The following FAM110B variants were observed in gnomAD, a reference collection of about 807,000 sequenced individuals.
FAM110B encodes family with sequence similarity 110 member B.
In FAM110B, 6 loss-of-function variants were observed where a neutral mutation model predicts 20.4. That is an observed-to-expected ratio of 0.29 (90% confidence interval 0.16 to 0.58). The LOEUF (loss-of-function observed/expected upper bound fraction) is 0.58. Among genes scored for constraint, FAM110B ranks in the 20% least tolerant of loss-of-function variants. The pLI is 0.90. For synonymous variants in FAM110B, 226 were observed against 214.1 expected, an observed-to-expected ratio of 1.06 and a Z score of -0.49; for missense variants, 434 against 498.2, an observed-to-expected ratio of 0.87 and a Z score of 1.23.
intron 2 of FAM110B, among the ~76,000 whole-genome samples, chr8:58,072,488 T>C (rs1439661298): frequency 1.3e-5 from 2 of 152,216 alleles, no homozygotes; most frequent in Non-Finnish European, 2.9e-5. Flanking sequence ...CAAGTGTTAT[T>C]TATGTTTTTG....
In FAM110B at chr8:58,085,576, T is replaced by C. The variant is rs113642703; in HGVS notation, c.-325+9953T>C. 9.2e-3 allele frequency among the ~76,000 whole-genome samples: 1,403 copies of C among 152,348 alleles called. 18 individuals carry two copies. Among genetic ancestry groups the C allele is most frequent in the African/African-American group, 0.032 (1,317 of 41,584 alleles). On this transcript the variant is annotated intron_variant, in intron 3 of 3. Transcript: ENST00000519262. The stretch of plus-strand genomic sequence containing the variant: ...ATTTAAGATTTTGACCATTGGCCTA[T>C]GAGCCAGAGAGATGTTTGTATTGAA...
rs1035855822 is a variant in FAM110B, at chr8:58,147,933, T to A, written c.*590T>A. 9.5e-5 allele frequency: 16 copies of A among 169,196 alleles called. No homozygotes were observed. The highest frequency in any genetic ancestry group is 3.9e-4 in the African/African-American group (16 of 41,442). The allele number at this position is 169,196 out of a possible 1,614,324, so 10.5% of individuals were successfully genotyped here. On this transcript the variant is annotated 3_prime_UTR_variant, in exon 4 of 4. Transcript: ENST00000519262. ...GTCATTGGGGTAACAATGCTACGTTTTGTGTCCGATTCAGTGTGTAAACGT... is the reference window on the plus strand; with the variant it reads ...GTCATTGGGGTAACAATGCTACGTTATGTGTCCGATTCAGTGTGTAAACGT...
chr8:58,098,248 G>A (rs1339010462), intron 3 of FAM110B, among the ~76,000 whole-genome samples: 1 of 152,244 alleles, frequency 6.6e-6, no homozygotes, highest in African/African-American at 2.4e-5. Context: ...TGCCCAGAGA[G>A]GAGGAATCTA....
At chr8:58,124,608 T>C (rs1020267928) in intron 3 of FAM110B, among the ~76,000 whole-genome samples, 1 of 152,236 alleles carries the variant, frequency 6.6e-6, no homozygotes, top group Non-Finnish European at 1.5e-5. Flanking sequence ...TAAATATGCC[T>C]GATGCATTTT....
chr8:58,133,733 C>T (rs551601273), intron 3 of FAM110B, among the ~76,000 whole-genome samples: 1 of 152,278 alleles, frequency 6.6e-6, no homozygotes, highest in African/African-American at 2.4e-5. Flanking sequence ...GACCCACATC[C>T]CCCTGACACC....
In FAM110B at chr8:58,137,331, A is replaced by G. The variant is rs923777684; in HGVS notation, c.-324-8576A>G. Reference sequence around the variant, plus strand: ...TCCCAGCACTTTGGGAGGCCAAGGCAGGCGGATCACCTTAGGTCAGGAGTT... The same window carrying G: ...TCCCAGCACTTTGGGAGGCCAAGGCGGGCGGATCACCTTAGGTCAGGAGTT... On this transcript the variant is annotated intron_variant, in intron 3 of 3. Coordinates refer to ENST00000519262, the MANE Select transcript of FAM110B (RefSeq NM_001377989.1). Among the ~76,000 whole-genome samples the G allele has an allele frequency of 2.0e-5, 3 of 152,314 alleles. No homozygotes were observed. In the South Asian group the frequency reaches 6.2e-4, roughly 32 times the overall value.
At chr8:58,005,961 G>A (rs1314449090) in intron 1 of FAM110B, among the ~76,000 whole-genome samples, 1 of 152,116 alleles carries the variant, frequency 6.6e-6, no homozygotes, top group African/African-American at 2.4e-5. Flanking sequence ...ATATCAGGAA[G>A]GAACAGGGCT....
At chr8:58,122,130 GAT>G (rs1807377845) in intron 3 of FAM110B, among the ~76,000 whole-genome samples, 2 of 152,080 alleles carry the variant, frequency 1.3e-5, no homozygotes, top group South Asian at 4.1e-4. Flanking sequence ...GTAGGTTAAT[GAT>G]TATTATCTCT....
intron 3 of FAM110B, among the ~76,000 whole-genome samples, chr8:58,094,348 C>G (rs540520314): frequency 6.6e-6 from 1 of 152,248 alleles, no homozygotes; most frequent in East Asian, 1.9e-4. Flanking sequence ...GGAATGCTTC[C>G]AGTTTTTGCC....
intron 3 of FAM110B, among the ~76,000 whole-genome samples, chr8:58,139,823 G>A (rs981370173): frequency 9.9e-5 from 15 of 152,190 alleles, no homozygotes; most frequent in Middle Eastern, 3.4e-3. Flanking sequence ...CCAGCTACTC[G>A]GAAGGCTGAG....
intron 1 of FAM110B, among the ~76,000 whole-genome samples, chr8:58,017,911 TGAA>T (rs1217994710): frequency 1.3e-5 from 2 of 152,154 alleles, no homozygotes; most frequent in Admixed American, 6.5e-5. Context: ...GAGAAAAACA[TGAA>T]GAATAAAATT....
intron 1 of FAM110B, 71 bp from the exon 2 acceptor site, chr8:58,031,535 C>G (rs1804961561): frequency 1.3e-5 from 2 of 152,156 alleles, no homozygotes; most frequent in South Asian, 2.1e-4. Context: ...AAAACAATTT[C>G]TTTTGAATGA....
At position 58,138,044 on chromosome 8, in the gene FAM110B, G is replaced by A. The variant is rs115180845; in HGVS notation, c.-324-7863G>A. ...GCTCCTCTCCTGCTCCTTATCAGAC[G>A]GCTCTACCAGCCTCTACTGGGCAGA... On this transcript the variant is annotated intron_variant, in intron 3 of 3. Coordinates refer to ENST00000519262, the MANE Select transcript of FAM110B (RefSeq NM_001377989.1). 7.5e-3 allele frequency among the ~76,000 whole-genome samples: 1,148 copies of A among 152,300 alleles called. 11 individuals are homozygous for A. Among genetic ancestry groups the A allele is most frequent in the African/African-American group, 0.026 (1,099 of 41,546 alleles).
chr8:58,037,460 C>T (rs538704457), intron 2 of FAM110B, among the ~76,000 whole-genome samples: 9 of 150,610 alleles, frequency 6.0e-5, no homozygotes, highest in African/African-American at 2.0e-4. Flanking sequence ...CATAGTGAGA[C>T]TCAGTCTCCA....
At chr8:58,018,519 T>C (rs879801191) in intron 1 of FAM110B, among the ~76,000 whole-genome samples, 1 of 152,156 alleles carries the variant, frequency 6.6e-6, no homozygotes, top group Non-Finnish European at 1.5e-5. Context: ...GTGTCTCTTA[T>C]AGTGTACAGT....
intron 2 of FAM110B, among the ~76,000 whole-genome samples, chr8:58,049,521 T>C (rs1805397969): frequency 6.6e-6 from 1 of 152,098 alleles, no homozygotes; most frequent in Non-Finnish European, 1.5e-5. Flanking sequence ...TATGGATGGA[T>C]GGATGCACAG....
intron 2 of FAM110B, among the ~76,000 whole-genome samples, chr8:58,066,219 G>T (rs1369768335): frequency 6.6e-6 from 1 of 152,228 alleles, no homozygotes; most frequent in East Asian, 1.9e-4. Context: ...GAGCCCTGCA[G>T]AGAAGACTCG....
At position 57,999,574 on chromosome 8, in the gene FAM110B, G is replaced by T. The variant is rs536060261; in HGVS notation, c.-512+4768G>T. Among the ~76,000 whole-genome samples, 3 of 151,832 alleles carry T rather than the reference G, an allele frequency of 2.0e-5. No individual in the cohort carries two copies. The South Asian group carries it at 6.2e-4, about 32-fold the overall frequency. On this transcript the variant is annotated intron_variant, in intron 1 of 3. Coordinates refer to ENST00000519262, the MANE Select transcript of FAM110B (RefSeq NM_001377989.1). ...ATATAAATAAAAAATAAGTAATTATGCAAAAGAACATAGTTTACTAAGTTC... is the reference window on the plus strand; with the variant it reads ...ATATAAATAAAAAATAAGTAATTATTCAAAAGAACATAGTTTACTAAGTTC...
chr8:58,131,108 C>T (rs974974193), intron 3 of FAM110B, among the ~76,000 whole-genome samples: 4 of 152,166 alleles, frequency 2.6e-5, no homozygotes, highest in South Asian at 2.1e-4. Flanking sequence ...CCAACGCCAC[C>T]GACCAGTTAA....
Sources: gnomAD v4.1 joint callset for allele counts (sites outside exome capture counted in the v4.1 genomes callset) on GRCh38, gnomAD v4.1.1 for gene constraint, MANE v1.5 for transcripts, NCBI Gene and HGNC (gene_info 2026-07-23, HGNC 2026-07-21) for gene names.